HMGN5: variants seen among roughly 807,000 people sequenced by gnomAD.
The protein encoded by HMGN5 is high mobility group nucleosome binding domain 5.
HMGN5 carries 4 observed loss-of-function variants against 9.5 expected under a neutral mutation model. The observed-to-expected ratio is 0.42, with a 90% CI of 0.21 to 0.96. The LOEUF (loss-of-function observed/expected upper bound fraction) is 0.96. Among genes scored for constraint, HMGN5 ranks in the 40% least tolerant of loss-of-function variants. HMGN5 has a pLI of 0.30. For synonymous variants in HMGN5, 55 were observed against 57.1 expected (o/e 0.96, Z 0.16); for missense variants, 192 against 187.5 (o/e 1.02, Z -0.14).
At chrX:81,153,162 A>G (rs775118397) in intron 1 of HMGN5, among the ~76,000 whole-genome samples, 39 of 109,057 alleles carry the variant, frequency 3.6e-4, no homozygotes, top group Non-Finnish European at 5.9e-4. Context: ...TAAAAAAAAT[A>G]AAAAAATAAA....
intron 6 of HMGN5, among the ~76,000 whole-genome samples, chrX:81,115,448 A>G (rs2075250708): frequency 8.9e-6 from 1 of 112,311 alleles, no homozygotes; most frequent in Admixed American, 9.4e-5. Flanking sequence ...ATATCTACAA[A>G]TAGATATTTG....
In HMGN5 at chrX:81,170,384, G is replaced by GT. The variant is rs1279604391; in HGVS notation, c.-124+31352dup. ...GTCAAAGAGAAATTATTTGATGATT[G>GT]TTAACATAACTCTATTTTATATCCA... On this transcript the variant is annotated intron_variant, in intron 1 of 6. Coordinates refer to ENST00000358130, the MANE Select transcript of HMGN5 (RefSeq NM_030763.3). Among the ~76,000 whole-genome samples the GT allele has an allele frequency of 2.7e-5, 3 of 111,710 alleles. No homozygotes were observed. In the Admixed American group the frequency reaches 2.9e-4, roughly 11 times the overall value.
intron 1 of HMGN5, among the ~76,000 whole-genome samples, chrX:81,125,143 T>C (rs906770516): frequency 3.7e-5 from 4 of 109,229 alleles, no homozygotes; most frequent in Non-Finnish European, 7.6e-5. Context: ...TTGCATGCAA[T>C]GGGATCTCAA....
intron 1 of HMGN5, among the ~76,000 whole-genome samples, chrX:81,146,459 G>A (rs2075343976): frequency 9.0e-6 from 1 of 111,536 alleles, no homozygotes; most frequent in African/African-American, 3.3e-5. Flanking sequence ...GGGGAACAAA[G>A]GCACAATGTA....
intron 1 of HMGN5, among the ~76,000 whole-genome samples, chrX:81,164,687 G>C (rs2075406563): frequency 9.0e-6 from 1 of 111,412 alleles, no homozygotes; most frequent in African/African-American, 3.3e-5. Context: ...CAAAGAAGCT[G>C]GAGTAGGGGA....
At chrX:81,116,456 A>G in intron 5 of HMGN5, 115 bp from the exon 6 acceptor site, 2 of 471,447 alleles carry the variant, frequency 4.2e-6, no homozygotes, top group Non-Finnish European at 6.8e-6. Context: ...TCTTTAAAGT[A>G]TCACATATAA....
chrX:81,153,583 C>CTCTCAATA (rs2075373226), intron 1 of HMGN5, among the ~76,000 whole-genome samples: 1 of 6,142 alleles, frequency 1.6e-4, no homozygotes, highest in African/African-American at 5.6e-4. Flanking sequence ...CTCTCTCTCT[C>CTCTCAATA]TATATATATA....
intron 1 of HMGN5, among the ~76,000 whole-genome samples, chrX:81,135,343 A>T (rs1283983684): frequency 9.0e-6 from 1 of 111,712 alleles, no homozygotes; most frequent in African/African-American, 3.2e-5. Flanking sequence ...CCACTCCTAG[A>T]TTCATAACAA....
chrX:81,153,581 CTCTA>C (rs2075372921), intron 1 of HMGN5, among the ~76,000 whole-genome samples: 1 of 9,626 alleles, frequency 1.0e-4, no homozygotes, highest in Non-Finnish European at 1.8e-4. Context: ...CTCTCTCTCT[CTCTA>C]TATATATATA....
intron 1 of HMGN5, among the ~76,000 whole-genome samples, chrX:81,154,219 G>A (rs1435675778): frequency 9.0e-6 from 1 of 111,274 alleles, no homozygotes; most frequent in Admixed American, 9.6e-5. Flanking sequence ...TACATATACA[G>A]TGAACTCATT....
chrX:81,144,964 G>T (rs1367831372), intron 1 of HMGN5, among the ~76,000 whole-genome samples: 1 of 111,571 alleles, frequency 9.0e-6, no homozygotes, highest in Non-Finnish European at 1.9e-5. Context: ...AGAGTGAAAA[G>T]AAATGAACAC....
intron 1 of HMGN5, among the ~76,000 whole-genome samples, chrX:81,133,157 C>T (rs1199490914): frequency 9.1e-6 from 1 of 110,434 alleles, no homozygotes; most frequent in Non-Finnish European, 1.9e-5. Context: ...AATGAGATAC[C>T]ATGTCACACC....
chrX:81,145,338 G>A (rs2075340631), intron 1 of HMGN5, among the ~76,000 whole-genome samples: 1 of 111,698 alleles, frequency 9.0e-6, no homozygotes, highest in African/African-American at 3.3e-5. Context: ...GAAGAGAGTG[G>A]GGACCAGTAT....
chrX:81,189,141 C>T (rs1040200624), intron 1 of HMGN5, among the ~76,000 whole-genome samples: 1 of 111,574 alleles, frequency 9.0e-6, no homozygotes, highest in Non-Finnish European at 1.9e-5. Context: ...GCTGAATATA[C>T]TATTCTAGAG....
At chrX:81,166,603 C>T (rs912600370) in intron 1 of HMGN5, among the ~76,000 whole-genome samples, 1 of 111,340 alleles carries the variant, frequency 9.0e-6, no homozygotes, top group Non-Finnish European at 1.9e-5. Context: ...TCCACAACAC[C>T]TAATGGAAAT....
At chrX:81,121,511 C>G (rs1421274479) in intron 2 of HMGN5, 24 bp downstream of exon 2, 2 of 1,189,700 alleles carry the variant, frequency 1.7e-6, no homozygotes, top group Non-Finnish European at 2.3e-6. Context: ...GCTCATTCCC[C>G]GTCTGTCTTT....
chrX:81,147,488 A>G (rs2075348402), intron 1 of HMGN5, among the ~76,000 whole-genome samples: 1 of 111,770 alleles, frequency 8.9e-6, no homozygotes, highest in African/African-American at 3.3e-5. Context: ...TTCTAAAAAT[A>G]ATAAGATCTA....
chrX:81,198,103 A>G (rs914083440), intron 1 of HMGN5, among the ~76,000 whole-genome samples: 8 of 111,585 alleles, frequency 7.2e-5, no homozygotes, highest in African/African-American at 2.3e-4. Context: ...GTAGTCAACA[A>G]TGATTACGTA....
intron 1 of HMGN5, among the ~76,000 whole-genome samples, chrX:81,163,442 C>T (rs1183045921): frequency 3.6e-5 from 4 of 111,914 alleles, no homozygotes; most frequent in Non-Finnish European, 7.5e-5. Context: ...AGCCAGTACC[C>T]TTGAATCTTA....
Sources: allele counts gnomAD v4.1 joint callset (sites outside exome capture counted in the v4.1 genomes callset), GRCh38; gene constraint gnomAD v4.1.1; transcripts MANE v1.5; gene names NCBI Gene and HGNC (gene_info 2026-07-23, HGNC 2026-07-21).